The following ADGRL2 variants were observed in gnomAD, a reference collection of about 807,000 sequenced individuals.
ADGRL2 encodes the protein adhesion G protein-coupled receptor L2.
Under a neutral mutation model 157.4 loss-of-function variants are expected in ADGRL2, and 44 were observed. The observed-to-expected ratio is 0.28, with a 90% CI of 0.22 to 0.36. The LOEUF (loss-of-function observed/expected upper bound fraction) is 0.36, where lower values mean the gene tolerates loss of function less well. Ranked by LOEUF, ADGRL2 falls within the 10% of genes least tolerant of loss-of-function variation. The pLI is 1.00. For synonymous variants in ADGRL2, 585 were observed against 624.7 expected (o/e 0.94, Z 0.95); for missense variants, 1,510 against 1,768.9 (o/e 0.85, Z 2.63).
intron 1 of ADGRL2, among the ~76,000 whole-genome samples, chr1:81,730,450 C>T (rs559822839): frequency 6.6e-6 from 1 of 152,176 alleles, no homozygotes; most frequent in African/African-American, 2.4e-5. Flanking sequence ...AGTGCAGGGC[C>T]GGGCACAGTG....
intron 1 of ADGRL2, among the ~76,000 whole-genome samples, chr1:81,425,532 A>G (rs989915615): frequency 6.6e-6 from 1 of 152,224 alleles, no homozygotes; most frequent in Admixed American, 6.5e-5. Flanking sequence ...GGCAAGTTTC[A>G]TGGCTGACAC....
At chr1:81,417,021 C>T (rs1316117496) in intron 1 of ADGRL2, among the ~76,000 whole-genome samples, 2 of 152,094 alleles carry the variant, frequency 1.3e-5, no homozygotes, top group African/African-American at 4.8e-5. Context: ...AGAATTACTG[C>T]CTTAAAATTT....
rs374369691 is a variant in ADGRL2, at chr1:81,845,550, G to A, written c.73+8493G>A. 1.4e-4 allele frequency among the ~76,000 whole-genome samples: 21 copies of A among 152,096 alleles called. No individual in the cohort carries two copies. The East Asian group carries it at 4.0e-3, about 29-fold the overall frequency. On this transcript the variant is annotated intron_variant, in intron 2 of 23. Coordinates refer to ENST00000686636, the MANE Select transcript of ADGRL2 (RefSeq NM_001366006.2). ...GGGTATCTGATTATAAATTAAATTT[G>A]TAATTTGGGGGATACTTCTGGGGAC...
chr1:81,457,554 C>T (rs2077832555), intron 2 of ADGRL2, among the ~76,000 whole-genome samples: 1 of 151,934 alleles, frequency 6.6e-6, no homozygotes, highest in Non-Finnish European at 1.5e-5. Context: ...TGACTAATAA[C>T]CAAAGAATTG....
intron 2 of ADGRL2, among the ~76,000 whole-genome samples, chr1:81,852,348 A>G (rs926769865): frequency 2.0e-5 from 3 of 152,130 alleles, no homozygotes; most frequent in Non-Finnish European, 4.4e-5. Context: ...AAAACCTTCC[A>G]GGTAACCGCC....
At chr1:81,440,682 A>G (rs1161765964) in intron 1 of ADGRL2, among the ~76,000 whole-genome samples, 1 of 152,128 alleles carries the variant, frequency 6.6e-6, no homozygotes, top group Non-Finnish European at 1.5e-5. Flanking sequence ...ACCTAAATTC[A>G]TTACCCCATC....
intron 10 of ADGRL2, among the ~76,000 whole-genome samples, chr1:81,953,818 A>G (rs1652603606): frequency 6.6e-6 from 1 of 152,212 alleles, no homozygotes; most frequent in South Asian, 2.1e-4. Context: ...GACCATAACC[A>G]TGGTAAATCA....
intron 2 of ADGRL2, among the ~76,000 whole-genome samples, chr1:81,837,270 C>T (rs1405485472): frequency 1.3e-5 from 2 of 151,866 alleles, no homozygotes; most frequent in East Asian, 1.9e-4. Context: ...TTATATTTTA[C>T]GTGCATTTAT....
chr1:81,479,906 A>G (rs1400830758), intron 2 of ADGRL2, among the ~76,000 whole-genome samples: 2 of 152,258 alleles, frequency 1.3e-5, no homozygotes, highest in Admixed American at 1.3e-4. Context: ...TTTTATTAGT[A>G]ACATTTTAAG....
At chr1:81,430,287 T>G (rs753271080) in intron 1 of ADGRL2, among the ~76,000 whole-genome samples, 1 of 152,014 alleles carries the variant, frequency 6.6e-6, no homozygotes, top group Non-Finnish European at 1.5e-5. Context: ...TAAAGCAAGG[T>G]TAAAGAATGG....
At chr1:81,528,312 C>T (rs2079514235) in intron 2 of ADGRL2, among the ~76,000 whole-genome samples, 1 of 152,068 alleles carries the variant, frequency 6.6e-6, no homozygotes, top group Admixed American at 6.5e-5. Flanking sequence ...CCCATGAGTG[C>T]TATAGGAATT....
chr1:81,341,682 C>T (rs1662085770), intron 1 of ADGRL2, among the ~76,000 whole-genome samples: 1 of 151,146 alleles, frequency 6.6e-6, no homozygotes, highest in South Asian at 2.1e-4. Flanking sequence ...TCTCATGTGA[C>T]CATACAACCA....
chr1:81,395,595 C>G (rs1009803971), intron 1 of ADGRL2, among the ~76,000 whole-genome samples: 1 of 152,072 alleles, frequency 6.6e-6, no homozygotes. Flanking sequence ...TTTTTGAGGT[C>G]TTTTCCATAA....
intron 11 of ADGRL2, among the ~76,000 whole-genome samples, chr1:81,963,003 T>A (rs1655926265): frequency 6.6e-6 from 1 of 152,100 alleles, no homozygotes; most frequent in Non-Finnish European, 1.5e-5. Flanking sequence ...ATTTGTAGAT[T>A]GATTTTGAAA....
chr1:81,355,486 C>A (rs1289769741), intron 1 of ADGRL2, among the ~76,000 whole-genome samples: 1 of 152,096 alleles, frequency 6.6e-6, no homozygotes, highest in African/African-American at 2.4e-5. Flanking sequence ...TTGTGTCAAT[C>A]CAAAAAAGTT....
At chr1:81,779,525 C>T (rs1441742642) in intron 2 of ADGRL2, among the ~76,000 whole-genome samples, 4 of 152,166 alleles carry the variant, frequency 2.6e-5, no homozygotes, top group Non-Finnish European at 5.9e-5. Flanking sequence ...CAAGCCATAG[C>T]TCATTCTGTG....
At chr1:81,315,115 G>A (rs939111673) in intron 1 of ADGRL2, among the ~76,000 whole-genome samples, 9 of 152,106 alleles carry the variant, frequency 5.9e-5, no homozygotes, top group African/African-American at 1.9e-4. Flanking sequence ...GAATTTACAT[G>A]TGTAGTTTGC....
chr1:81,491,112 A>G (rs2078623003), intron 2 of ADGRL2, among the ~76,000 whole-genome samples: 1 of 152,228 alleles, frequency 6.6e-6, no homozygotes, highest in Non-Finnish European at 1.5e-5. Flanking sequence ...CCCCTTGAGA[A>G]TAACTTCTCT....
At chr1:81,599,364 G>T (rs1231046872) in intron 3 of ADGRL2, among the ~76,000 whole-genome samples, 1 of 152,110 alleles carries the variant, frequency 6.6e-6, no homozygotes, top group Non-Finnish European at 1.5e-5. Flanking sequence ...AATCCAACAA[G>T]AAAGAAACAG....
Sources: allele counts gnomAD v4.1 joint callset (sites outside exome capture counted in the v4.1 genomes callset), GRCh38; gene constraint gnomAD v4.1.1; transcripts MANE v1.5; gene names NCBI Gene and HGNC (gene_info 2026-07-23, HGNC 2026-07-21).